Variants in CELF4 observed in about 807,000 individuals in gnomAD.
CELF4 encodes the protein CUG-BP- and ETR-3-like factor 4.
In CELF4, 18 loss-of-function variants were observed where a neutral mutation model predicts 59.9. The ratio of observed to expected loss-of-function variants is 0.30; its 90% CI spans 0.21 to 0.45. CELF4 has a LOEUF of 0.45. CELF4 is among the 20% of genes least tolerant of loss of function. CELF4 has a pLI of 1.00. For missense variants in CELF4, 456 were observed against 689.0 expected (o/e 0.66, Z 3.79); for synonymous variants, 261 against 267.1 (o/e 0.98, Z 0.22).
chr18:37,313,644 C>T (rs2096756276), intron 3 of CELF4, among the ~76,000 whole-genome samples: 1 of 152,266 alleles, frequency 6.6e-6, no homozygotes, highest in Non-Finnish European at 1.5e-5. Context: ...CAGGCCCGCA[C>T]TCCACAGCTG....
At chr18:37,285,559 C>A (rs1302294358) in intron 3 of CELF4, among the ~76,000 whole-genome samples, 3 of 152,224 alleles carry the variant, frequency 2.0e-5, no homozygotes, top group African/African-American at 4.8e-5. Context: ...GGCTCCTTCA[C>A]TCTCATCTCT....
Position 37,259,411 on chromosome 18 carries a change from G to A in CELF4, c.1250-147C>T, listed in dbSNP as rs543555891. 127 of 611,474 alleles carry A rather than the reference G, an allele frequency of 2.1e-4. No homozygotes were observed. In the African/African-American group the frequency reaches 2.2e-3, roughly 11 times the overall value. 37.9% of individuals were successfully genotyped at this position (611,474 alleles called of 1,614,324 possible). On this transcript the variant is annotated intron_variant, in intron 10 of 12. Coordinates refer to ENST00000420428, the MANE Select transcript of CELF4 (RefSeq NM_020180.4). ...GGGGAGTCTCATTCCAGATCCAAGG[G>A]CGCCCCAGAAGAGGCAGGGATGCTG...
At chr18:37,326,540 C>A (rs977942102) in intron 2 of CELF4, among the ~76,000 whole-genome samples, 5 of 152,162 alleles carry the variant, frequency 3.3e-5, no homozygotes, top group African/African-American at 7.2e-5. Flanking sequence ...GGCCCTGTGG[C>A]CTTCAGTTGG....
chr18:37,398,507 T>C (rs1339737507), intron 2 of CELF4, among the ~76,000 whole-genome samples: 1 of 152,098 alleles, frequency 6.6e-6, no homozygotes, highest in Non-Finnish European at 1.5e-5. Context: ...CTCGGGGCAG[T>C]GGGAGGAGGC....
intron 2 of CELF4, among the ~76,000 whole-genome samples, chr18:37,400,847 T>C (rs1245680103): frequency 2.0e-5 from 3 of 152,240 alleles, no homozygotes; most frequent in African/African-American, 7.2e-5. Context: ...AATCCGAGTT[T>C]TCCACAGATG....
intron 1 of CELF4, among the ~76,000 whole-genome samples, chr18:37,486,286 C>T (rs1421125827): frequency 6.6e-6 from 1 of 152,188 alleles, no homozygotes; most frequent in Non-Finnish European, 1.5e-5. Flanking sequence ...GCCTTTAATT[C>T]CCTAGGTGAC....
chr18:37,298,659 A>G (rs1408807277), intron 3 of CELF4, among the ~76,000 whole-genome samples: 2 of 150,052 alleles, frequency 1.3e-5, no homozygotes, highest in Non-Finnish European at 3.0e-5. Context: ...TGGGAGGCAG[A>G]TGTTGCCGTG....
intron 2 of CELF4, among the ~76,000 whole-genome samples, chr18:37,470,676 T>A (rs1363523583): frequency 6.6e-6 from 1 of 152,096 alleles, no homozygotes; most frequent in Non-Finnish European, 1.5e-5. Flanking sequence ...TCCTCATGGA[T>A]CAAACTCTTC....
chr18:37,314,058 C>T (rs2096773487), intron 3 of CELF4, among the ~76,000 whole-genome samples: 1 of 152,242 alleles, frequency 6.6e-6, no homozygotes, highest in East Asian at 1.9e-4. Flanking sequence ...GACCCCAACC[C>T]TCTCATGCCT....
chr18:37,273,152 C>G lies in CELF4; in HGVS notation c.813G>C (p.Gln271His). ...CGACTGATGCCATCAGGGCCGCTTGCTGCTGCATCAGCTGGGGCAGAGGGA... is the reference window on the plus strand; with the variant it reads ...CGACTGATGCCATCAGGGCCGCTTGGTGCTGCATCAGCTGGGGCAGAGGGA... ...YGAYAQALMQQQAALMASVAQ... is the reference protein window; with the variant it reads ...YGAYAQALMQHQAALMASVAQ... Residue 271 changes from glutamine to histidine, a missense_variant, in exon 7 of 13, where the codon CAG becomes CAC. By Grantham distance (24) the Gln-to-His change is conservative. Coordinates refer to ENST00000420428, the MANE Select transcript of CELF4 (RefSeq NM_020180.4). 6.2e-7 allele frequency: 1 copy of G among 1,609,010 alleles called. No homozygotes were observed. The highest frequency in any genetic ancestry group is 1.1e-5 in the South Asian group (1 of 90,980).
chr18:37,553,406 G>A (rs141777845), intron 1 of CELF4, among the ~76,000 whole-genome samples: 8 of 152,252 alleles, frequency 5.3e-5, no homozygotes, highest in East Asian at 1.9e-4. Context: ...ACGTGTGTGC[G>A]TCTTGTGGGG....
intron 2 of CELF4, among the ~76,000 whole-genome samples, chr18:37,414,499 TTTTC>T (rs1171146896): frequency 4.7e-5 from 2 of 42,208 alleles, no homozygotes; most frequent in Non-Finnish European, 5.7e-5. Context: ...TTTTCTTTTC[TTTTC>T]TTTTTTTTTT....
chr18:37,531,849 A>G (rs1051641746), intron 1 of CELF4, among the ~76,000 whole-genome samples: 4 of 152,184 alleles, frequency 2.6e-5, no homozygotes, highest in African/African-American at 9.6e-5. Flanking sequence ...CAGGGCAGTG[A>G]GAGGGCAGGG....
At chr18:37,542,332 G>A (rs1273633891) in intron 1 of CELF4, among the ~76,000 whole-genome samples, 1 of 152,214 alleles carries the variant, frequency 6.6e-6, no homozygotes, top group Non-Finnish European at 1.5e-5. Context: ...TTGAGTGCTC[G>A]CTGTGCACCC....
intron 2 of CELF4, among the ~76,000 whole-genome samples, chr18:37,399,924 A>C (rs1214909959): frequency 6.6e-6 from 1 of 152,164 alleles, no homozygotes; most frequent in African/African-American, 2.4e-5. Flanking sequence ...GATGAGCCTC[A>C]CTGATTTAGG....
At chr18:37,270,661 G>T (rs996098424) in intron 8 of CELF4, 107 bp downstream of exon 8, 48 of 1,347,560 alleles carry the variant, frequency 3.6e-5, no homozygotes, top group Non-Finnish European at 4.7e-5. Flanking sequence ...TTTCATCAAG[G>T]AATGGACAGA....
At chr18:37,330,348 T>C (rs1449485636) in intron 2 of CELF4, among the ~76,000 whole-genome samples, 1 of 152,182 alleles carries the variant, frequency 6.6e-6, no homozygotes, top group African/African-American at 2.4e-5. Flanking sequence ...AACCCTTGCC[T>C]GAGGGCTTCT....
chr18:37,559,712 A>C (rs951301495), intron 1 of CELF4, among the ~76,000 whole-genome samples: 24 of 152,164 alleles, frequency 1.6e-4, no homozygotes, highest in African/African-American at 5.8e-4. Context: ...TCAAGCAAAA[A>C]GGTGGTGTCT....
At chr18:37,262,406 G>C (rs866709430) in intron 10 of CELF4, among the ~76,000 whole-genome samples, 2 of 149,988 alleles carry the variant, frequency 1.3e-5, no homozygotes, top group African/African-American at 5.0e-5. Context: ...GGGTGGGGGA[G>C]GGGGGGGCAG....
Sources: allele counts gnomAD v4.1 joint callset (sites outside exome capture counted in the v4.1 genomes callset), GRCh38; gene constraint gnomAD v4.1.1; transcripts MANE v1.5; gene names NCBI Gene and HGNC (gene_info 2026-07-23, HGNC 2026-07-21).